Variants in MAP3K20 observed in about 807,000 individuals in gnomAD.
The protein encoded by MAP3K20 is mitogen-activated protein kinase kinase kinase 20, also known as HCCS-4.
Under a neutral mutation model 85.7 loss-of-function variants are expected in MAP3K20, and 40 were observed. That is an observed-to-expected ratio of 0.47 (90% CI 0.36 to 0.61). The LOEUF (loss-of-function observed/expected upper bound fraction) is 0.61, where lower values mean the gene tolerates loss of function less well. MAP3K20 is among the 20% of genes least tolerant of loss of function. The pLI is 0.00. For missense variants in MAP3K20, 817 were observed against 961.7 expected, an observed-to-expected ratio of 0.85 and a Z score of 1.99; for synonymous variants, 325 against 327.7, an observed-to-expected ratio of 0.99 and a Z score of 0.09.
At chr2:173,166,910 G>GTTTTTCTT (rs1689841315) in intron 2 of MAP3K20, 3 of 113,866 alleles carry the variant, frequency 2.6e-5, no homozygotes, top group Non-Finnish European at 3.5e-5. Context: ...CAGTTTTTCT[G>GTTTTTCTT]TTTTTTTTTT....
At chr2:173,104,474 A>G (rs1035983345) in intron 2 of MAP3K20, among the ~76,000 whole-genome samples, 2 of 152,204 alleles carry the variant, frequency 1.3e-5, no homozygotes, top group Non-Finnish European at 2.9e-5. Context: ...ATGAATATAC[A>G]CAGTGTGGTA....
chr2:173,175,837 G>C (rs946536838), intron 3 of MAP3K20, among the ~76,000 whole-genome samples: 1 of 152,136 alleles, frequency 6.6e-6, no homozygotes, highest in Non-Finnish European at 1.5e-5. Context: ...TAGACTGAGA[G>C]AATCTTCAAG....
chr2:173,133,205 T>C (rs1341076715), intron 2 of MAP3K20, among the ~76,000 whole-genome samples: 1 of 152,192 alleles, frequency 6.6e-6, no homozygotes, highest in Non-Finnish European at 1.5e-5. Flanking sequence ...AACATCTGAG[T>C]CCTTTACCTA....
At chr2:173,257,868 C>T (rs1053758631) in intron 16 of MAP3K20, among the ~76,000 whole-genome samples, 13 of 152,024 alleles carry the variant, frequency 8.6e-5, no homozygotes, top group Non-Finnish European at 1.9e-4. Context: ...ATAGTGGTAC[C>T]TCATTGTGGA....
intron 2 of MAP3K20, among the ~76,000 whole-genome samples, chr2:173,120,355 A>G (rs1688246275): frequency 6.6e-6 from 1 of 152,082 alleles, no homozygotes; most frequent in Non-Finnish European, 1.5e-5. Flanking sequence ...TCTTGGGCAT[A>G]GGAGCACTAG....
chr2:173,177,239 C>T (rs534781248), intron 3 of MAP3K20, among the ~76,000 whole-genome samples: 2 of 152,272 alleles, frequency 1.3e-5, no homozygotes, highest in African/African-American at 4.8e-5. Context: ...ACACATGGAA[C>T]ATTCTCCAGA....
intron 3 of MAP3K20, among the ~76,000 whole-genome samples, chr2:173,178,350 A>G (rs1421714591): frequency 6.6e-6 from 1 of 152,242 alleles, no homozygotes; most frequent in Non-Finnish European, 1.5e-5. Context: ...CTATAATTTA[A>G]AAATTGAATT....
At chr2:173,119,486 CT>C (rs1350706211) in intron 2 of MAP3K20, among the ~76,000 whole-genome samples, 1 of 152,224 alleles carries the variant, frequency 6.6e-6, no homozygotes, top group Non-Finnish European at 1.5e-5. Flanking sequence ...TCTTCCTCCA[CT>C]AGGCCTTTGC....
chr2:173,233,837 C>A (rs1422997723), intron 14 of MAP3K20, among the ~76,000 whole-genome samples: 1 of 152,158 alleles, frequency 6.6e-6, no homozygotes, highest in Non-Finnish European at 1.5e-5. Context: ...CTCTCAGCAC[C>A]CTTTGCGTAA....
At chr2:173,224,308 G>T (rs1451911140) in intron 11 of MAP3K20, 31 of 985,240 alleles carry the variant, frequency 3.1e-5, no homozygotes, top group Admixed American at 2.5e-4. Flanking sequence ...TGTAAACCTG[G>T]AGTCTCATTT....
chr2:173,156,422 G>A (rs1004673540), intron 2 of MAP3K20, among the ~76,000 whole-genome samples: 10 of 152,144 alleles, frequency 6.6e-5, no homozygotes, highest in African/African-American at 2.2e-4. Context: ...TAAGTGAGGT[G>A]GCTGGGTAAT....
intron 5 of MAP3K20, among the ~76,000 whole-genome samples, chr2:173,189,034 CAGT>C (rs879389898): frequency 9.2e-5 from 14 of 152,164 alleles, no homozygotes; most frequent in Non-Finnish European, 1.9e-4. Context: ...TAAAAAGTTA[CAGT>C]TATATGTATT....
intron 11 of MAP3K20, chr2:173,222,996 T>C (rs1457298499): frequency 1.0e-6 from 1 of 985,324 alleles, no homozygotes; most frequent in East Asian, 1.1e-4. Flanking sequence ...GGTCTTTTTA[T>C]GGAAGTTTAA....
chr2:173,176,842 A>G (rs1690175536), intron 3 of MAP3K20, among the ~76,000 whole-genome samples: 1 of 152,228 alleles, frequency 6.6e-6, no homozygotes, highest in African/African-American at 2.4e-5. Flanking sequence ...GTTAAAAGTA[A>G]GAAGATAGAA....
At chr2:173,258,837 A>T in intron 17 of MAP3K20, 22 bp downstream of exon 17, 1 of 1,455,460 alleles carries the variant, frequency 6.9e-7, no homozygotes. Context: ...TTTACGGCTT[A>T]AAAGCTCTTT....
At chr2:173,125,220 A>G (rs937346591) in intron 2 of MAP3K20, among the ~76,000 whole-genome samples, 2 of 152,218 alleles carry the variant, frequency 1.3e-5, no homozygotes, top group African/African-American at 4.8e-5. Context: ...CCACCATTAA[A>G]TATATCCCTT....
chr2:173,200,543 A>G (rs1398637135), intron 8 of MAP3K20, among the ~76,000 whole-genome samples: 1 of 152,234 alleles, frequency 6.6e-6, no homozygotes, highest in Non-Finnish European at 1.5e-5. Context: ...AGTCATCTAT[A>G]ATATCTATAT....
chr2:173,244,217 G>T (rs1002334027), intron 16 of MAP3K20, among the ~76,000 whole-genome samples: 13 of 152,134 alleles, frequency 8.5e-5, no homozygotes, highest in Admixed American at 2.0e-4. Context: ...GATCAAAAGT[G>T]AAATATACAA....
rs1689795231 is a variant in MAP3K20 at position 173,165,592 on chromosome 2, AT to A, written c.160-4207del. Among the ~76,000 whole-genome samples the A allele has an allele frequency of 2.6e-5, 4 of 152,210 alleles. No individual in the cohort carries two copies. The South Asian group carries it at 6.2e-4, about 24-fold the overall frequency. Reference sequence around the variant, plus strand: ...CATCTCTGCAAAAATTTAGAATACCATTTTTTAAACTTTTGTATTGTGGTAA... The same window carrying A: ...CATCTCTGCAAAAATTTAGAATACCATTTTTAAACTTTTGTATTGTGGTAA... On this transcript the variant is annotated intron_variant, in intron 2 of 19. Transcript: ENST00000375213.
Sources: gnomAD v4.1 joint callset for allele counts (sites outside exome capture counted in the v4.1 genomes callset) on GRCh38, gnomAD v4.1.1 for gene constraint, MANE v1.5 for transcripts, NCBI Gene and HGNC (gene_info 2026-07-23, HGNC 2026-07-21) for gene names.